The following KIAA1217 variants were observed in gnomAD, a reference collection of about 807,000 sequenced individuals.
KIAA1217 encodes the protein KIAA1217, also known as sickle tail protein homolog.
In KIAA1217, 88 loss-of-function variants were observed where a neutral mutation model predicts 163.9. That is an observed-to-expected ratio of 0.54 (90% CI 0.45 to 0.64). The LOEUF (loss-of-function observed/expected upper bound fraction) is 0.64, where lower values mean the gene tolerates loss of function less well. Ranked by LOEUF, KIAA1217 falls within the 30% of genes least tolerant of loss-of-function variation. The pLI is 0.00. For synonymous variants in KIAA1217, 903 were observed against 923.1 expected (o/e 0.98, Z 0.39); for missense variants, 2,372 against 2,475.0 (o/e 0.96, Z 0.88).
intron 4 of KIAA1217, among the ~76,000 whole-genome samples, chr10:24,435,305 C>A (rs2059932974): frequency 6.6e-6 from 1 of 152,222 alleles, no homozygotes; most frequent in South Asian, 2.1e-4. Flanking sequence ...ATTAATCAAG[C>A]TGTCACCAAA....
intron 3 of KIAA1217, among the ~76,000 whole-genome samples, chr10:24,381,911 C>T (rs368871258): frequency 1.3e-5 from 2 of 152,268 alleles, no homozygotes; most frequent in Admixed American, 6.5e-5. Context: ...AAACACGAGG[C>T]TGTTCCCACT....
At chr10:24,348,513 A>G (rs2048077089) in intron 2 of KIAA1217, among the ~76,000 whole-genome samples, 2 of 152,228 alleles carry the variant, frequency 1.3e-5, no homozygotes, top group Non-Finnish European at 2.9e-5. Flanking sequence ...GTAATCCATT[A>G]GGAAATAAAA....
chr10:24,091,816 C>T (rs554909195), intron 2 of KIAA1217, among the ~76,000 whole-genome samples: 2 of 151,780 alleles, frequency 1.3e-5, no homozygotes, highest in Admixed American at 1.3e-4. Flanking sequence ...TCCACTGGCT[C>T]TTAAATAACA....
intron 2 of KIAA1217, among the ~76,000 whole-genome samples, chr10:24,175,449 G>GTA (rs775198132): frequency 2.1e-5 from 3 of 144,430 alleles, no homozygotes; most frequent in African/African-American, 7.5e-5. Context: ...ATATATGTGT[G>GTA]TGTGTGTGTG....
chr10:23,940,401 A>C (rs1843710729), intron 1 of KIAA1217, among the ~76,000 whole-genome samples: 1 of 142,084 alleles, frequency 7.0e-6, no homozygotes, highest in African/African-American at 2.6e-5. Context: ...CGGAGTTTGC[A>C]GTGAGCCGAG....
chr10:24,385,646 T>C (rs2053903339), intron 3 of KIAA1217, among the ~76,000 whole-genome samples: 1 of 152,196 alleles, frequency 6.6e-6, no homozygotes. Context: ...CGTGTCTAAA[T>C]CTGTACTTCC....
chr10:24,294,065 G>A (rs1208409145), intron 2 of KIAA1217, among the ~76,000 whole-genome samples: 1 of 151,812 alleles, frequency 6.6e-6, no homozygotes, highest in Non-Finnish European at 1.5e-5. Flanking sequence ...GGTGGCAGGC[G>A]CCTGTAGTCC....
chr10:24,201,540 T>C (rs2130526545), intron 2 of KIAA1217, among the ~76,000 whole-genome samples: 1 of 152,218 alleles, frequency 6.6e-6, no homozygotes, highest in Non-Finnish European at 1.5e-5. Context: ...GCAGAGAAGC[T>C]TAGCCATCAA....
chr10:24,303,138 C>G (rs1489668275), intron 2 of KIAA1217, among the ~76,000 whole-genome samples: 1 of 152,076 alleles, frequency 6.6e-6, no homozygotes, highest in Admixed American at 6.6e-5. Context: ...CTCAGCCTTC[C>G]TAGTAGCTGG....
chr10:24,247,420 G>A (rs2073949252), intron 2 of KIAA1217, among the ~76,000 whole-genome samples: 1 of 152,074 alleles, frequency 6.6e-6, no homozygotes, highest in Non-Finnish European at 1.5e-5. Context: ...ATGAGCTACT[G>A]CACTCAGCCC....
chr10:24,520,850 T>C (rs2071125835), intron 11 of KIAA1217, among the ~76,000 whole-genome samples: 1 of 144,400 alleles, frequency 6.9e-6, no homozygotes, highest in African/African-American at 2.6e-5. Context: ...TGAGACCCTG[T>C]CTCCAAAAAA....
intron 1 of KIAA1217, among the ~76,000 whole-genome samples, chr10:23,740,547 A>G (rs1839049879): frequency 6.6e-6 from 1 of 152,090 alleles, no homozygotes. Flanking sequence ...TTTTGTAAAG[A>G]TGGGGTCCTG....
intron 1 of KIAA1217, among the ~76,000 whole-genome samples, chr10:23,931,607 G>A (rs1843254969): frequency 1.3e-5 from 2 of 152,126 alleles, no homozygotes; most frequent in Admixed American, 1.3e-4. Context: ...ATGATAGGGG[G>A]ATGGATTATC....
At chr10:23,901,155 T>C (rs1841938693) in intron 1 of KIAA1217, among the ~76,000 whole-genome samples, 1 of 152,102 alleles carries the variant, frequency 6.6e-6, no homozygotes, top group Non-Finnish European at 1.5e-5. Flanking sequence ...AGTGAATATT[T>C]GCTACCAACC....
chr10:24,345,371 G>A (rs568908448), intron 2 of KIAA1217, among the ~76,000 whole-genome samples: 1 of 152,278 alleles, frequency 6.6e-6, no homozygotes, highest in East Asian at 1.9e-4. Context: ...AATAAAAAGG[G>A]TAACAGAAAG....
intron 1 of KIAA1217, among the ~76,000 whole-genome samples, chr10:23,707,848 A>G (rs1836991219): frequency 6.6e-6 from 1 of 152,138 alleles, no homozygotes; most frequent in African/African-American, 2.4e-5. Flanking sequence ...TGCTCTTTCC[A>G]TTCCAGTTCT....
At chr10:23,826,707 C>A (rs1487331066) in intron 1 of KIAA1217, among the ~76,000 whole-genome samples, 2 of 152,124 alleles carry the variant, frequency 1.3e-5, no homozygotes, top group Non-Finnish European at 2.9e-5. Context: ...AGTTGCTGTT[C>A]TTCTGTGTTC....
intron 2 of KIAA1217, among the ~76,000 whole-genome samples, chr10:24,256,046 C>CAAA (rs11358712): frequency 1.3e-4 from 10 of 79,096 alleles, no homozygotes; most frequent in South Asian, 5.2e-4. Flanking sequence ...CTCAGATGAC[C>CAAA]AAAAAAAAAA....
At chr10:24,356,110 C>G (rs1029375935) in intron 2 of KIAA1217, among the ~76,000 whole-genome samples, 1 of 152,036 alleles carries the variant, frequency 6.6e-6, no homozygotes, top group Non-Finnish European at 1.5e-5. Context: ...TTGTGCATAA[C>G]TTAAGTTTCT....
Sources: allele counts gnomAD v4.1 joint callset (sites outside exome capture counted in the v4.1 genomes callset), GRCh38; gene constraint gnomAD v4.1.1; transcripts MANE v1.5; gene names NCBI Gene and HGNC (gene_info 2026-07-23, HGNC 2026-07-21).